The following NDRG2 variants were observed in gnomAD, a reference collection of about 807,000 sequenced individuals.
NDRG2 encodes the protein NDRG family member 2, also known as protein NDRG2.
In NDRG2, 34 loss-of-function variants were observed where a neutral mutation model predicts 58.2. That is an observed-to-expected ratio of 0.58 (90% CI 0.44 to 0.78). NDRG2 has a LOEUF of 0.78. NDRG2 is among the 30% of genes least tolerant of loss of function. The pLI is 0.00. For missense variants in NDRG2, 434 were observed against 471.2 expected (o/e 0.92, Z 0.73); for synonymous variants, 187 against 175.9 (o/e 1.06, Z -0.50).
At chr14:21,026,949 T>A (rs185300091), upstream of NDRG2, among the ~76,000 whole-genome samples, 3,209 of 151,980 alleles carry the variant, frequency 0.021, 41 homozygotes, top group South Asian at 0.075. Flanking sequence ...GAGCCTCGAG[T>A]GAGAACTTTT....
At chr14:21,037,432 G>A (rs1386790918) in intron 1 of NDRG2, among the ~76,000 whole-genome samples, 1 of 152,262 alleles carries the variant, frequency 6.6e-6, no homozygotes, top group African/African-American at 2.4e-5. Context: ...GTTCTAGAGT[G>A]ACAGTGGCTT....
chr14:21,044,083 AC>A (rs1395093837), intron 1 of NDRG2: 1 of 167,510 alleles, frequency 6.0e-6, no homozygotes, highest in Non-Finnish European at 1.5e-5. Context: ...AATACAGTGT[AC>A]CTTCTACTCT....
intron 1 of NDRG2, chr14:21,036,257 T>C (rs1385238014): frequency 2.2e-6 from 1 of 456,258 alleles, no homozygotes; most frequent in Admixed American, 2.3e-5. Context: ...CTCAAATATA[T>C]CTCTTATACA....
chr14:21,068,641 T>C (rs1886420715), intron 1 of NDRG2, among the ~76,000 whole-genome samples: 1 of 152,280 alleles, frequency 6.6e-6, no homozygotes, highest in Non-Finnish European at 1.5e-5. Context: ...CTCACTCTCC[T>C]AGCTCGCGGG....
At chr14:21,029,421 C>G (rs1958058376), upstream of NDRG2, 1 of 151,994 alleles carries the variant, frequency 6.6e-6, no homozygotes. Context: ...GCCAACATGG[C>G]AAAACCCCGT....
At chr14:21,057,084 A>G (rs1241435303) in intron 1 of NDRG2, among the ~76,000 whole-genome samples, 1 of 152,220 alleles carries the variant, frequency 6.6e-6, no homozygotes. Flanking sequence ...TTTCAGGGAC[A>G]CCTAAGCTAG....
At chr14:21,036,319 CT>C (rs1473906128) in intron 1 of NDRG2, 1 of 454,656 alleles carries the variant, frequency 2.2e-6, no homozygotes, top group Non-Finnish European at 4.4e-6. Context: ...TCTGCAATAG[CT>C]TGTTTCTCAT....
intron 1 of NDRG2, 78 bp downstream of exon 1, chr14:21,023,952 A>G (rs1998847): frequency 0.087 from 85,986 of 986,190 alleles, 3,995 homozygotes; most frequent in East Asian, 0.18. Context: ...CAAGTTCAAC[A>G]TTAGTGGGTG....
chr14:21,021,954 C>G (rs1475223754), intron 5 of NDRG2, 75 bp from the exon 6 acceptor site: 3 of 1,611,722 alleles, frequency 1.9e-6, no homozygotes, highest in African/African-American at 1.3e-5. Context: ...CCTACTCATT[C>G]TCTCCCAGAA....
intron 1 of NDRG2, chr14:21,031,833 G>A (rs1884194028): frequency 1.3e-6 from 2 of 1,554,098 alleles, no homozygotes; most frequent in Non-Finnish European, 1.8e-6. Context: ...CCATCTTTGG[G>A]GAAGGGATAT....
chr14:21,052,387 T>C (rs773977207), intron 1 of NDRG2, among the ~76,000 whole-genome samples: 2 of 152,166 alleles, frequency 1.3e-5, no homozygotes, highest in Non-Finnish European at 2.9e-5. Context: ...AAACAGTTAA[T>C]GCTAAAGGAG....
chr14:21,052,681 G>A (rs1885519168), intron 1 of NDRG2, among the ~76,000 whole-genome samples: 1 of 152,226 alleles, frequency 6.6e-6, no homozygotes, highest in Non-Finnish European at 1.5e-5. Flanking sequence ...TTTGATTCCA[G>A]GCTGGGAAGG....
intron 1 of NDRG2, among the ~76,000 whole-genome samples, chr14:21,055,426 G>A (rs573133222): frequency 5.3e-5 from 8 of 152,028 alleles, no homozygotes; most frequent in Non-Finnish European, 1.2e-4. Context: ...AAATGTTGTA[G>A]GCCCTTAGAA....
At chr14:21,064,222 A>G (rs1251742780) in intron 1 of NDRG2, among the ~76,000 whole-genome samples, 2 of 152,176 alleles carry the variant, frequency 1.3e-5, no homozygotes, top group Admixed American at 6.5e-5. Flanking sequence ...TCTTCATACA[A>G]TGGAGAAAAG....
At chr14:21,030,286 A>T (rs1437211831), upstream of NDRG2, 6 of 351,872 alleles carry the variant, frequency 1.7e-5, no homozygotes, top group Non-Finnish European at 3.2e-5. Context: ...GGGTCAGACC[A>T]CCATCCGGGT....
upstream of NDRG2, chr14:21,025,393 C>T: frequency 3.0e-6 from 3 of 985,674 alleles, no homozygotes; most frequent in Non-Finnish European, 3.6e-6. The surrounding 1 kb of genome is among the most constrained non-coding windows in gnomAD (Gnocchi z 5.1). Flanking sequence ...CCATCCACGA[C>T]CTGGATCTGC....
At chr14:21,037,119 T>TC (rs113150046) in intron 1 of NDRG2, among the ~76,000 whole-genome samples, 58,832 of 151,856 alleles carry the variant, frequency 0.39, 11,986 homozygotes, top group African/African-American at 0.52. Flanking sequence ...CGCTCTTCGC[T>TC]CCCCCCACCC....
Position 21,021,834 on chromosome 14 carries a change from G to A in NDRG2, c.390C>T (p.Cys130=), listed in dbSNP as rs370648416. ...CCTCTCACTTTAGGTACTGCAGGAC[G>A]CAAGGGATCATGTCTGCAAGCTGGT... ...SLDQLADMIP[C]VLQYLNFSTI... Residue 130 remains cysteine (C), a synonymous_variant, in exon 6 of 16, where the codon TGC becomes TGT. Transcript: ENST00000556147. 9.9e-5 allele frequency: 160 copies of A among 1,612,962 alleles called. No individual in the cohort carries two copies. The highest frequency in any genetic ancestry group is 1.2e-4 in the Non-Finnish European group (147 of 1,179,552).
chr14:21,070,640 C>G lies in NDRG2; in HGVS notation c.24+188G>C, dbSNP rs1886686825. Among the ~76,000 whole-genome samples the G allele has an allele frequency of 2.0e-5, 3 of 152,088 alleles. No homozygotes were observed. Among genetic ancestry groups the G allele is most frequent in the African/African-American group, 7.2e-5 (3 of 41,422 alleles). On this transcript the variant is annotated intron_variant, in intron 1 of 14. Coordinates refer to the NDRG2 transcript ENST00000403829. This position sits in a 1 kb window ranked among gnomAD's most constrained non-coding sequence, Gnocchi z 4.7. Reference sequence around the variant, plus strand: ...TCTCCTCCGCCTCCTCCCCCATCCTCCCTTGGGTCTCTCCCCTAATCCACA... The same window carrying G: ...TCTCCTCCGCCTCCTCCCCCATCCTGCCTTGGGTCTCTCCCCTAATCCACA...
Sources: gnomAD v4.1 joint callset for allele counts (sites outside exome capture counted in the v4.1 genomes callset) on GRCh38, gnomAD v4.1.1 for gene constraint, Gnocchi (gnomAD v3.1) non-coding constraint, MANE v1.5 for transcripts, NCBI Gene and HGNC (gene_info 2026-07-23, HGNC 2026-07-21) for gene names.